The following ZNF536 variants were observed in gnomAD, a reference collection of about 807,000 sequenced individuals.
ZNF536 encodes the protein zinc finger protein 536.
Under a neutral mutation model 84.5 loss-of-function variants are expected in ZNF536, and 13 were observed. The observed-to-expected ratio is 0.15, with a 90% CI of 0.10 to 0.24. The LOEUF is 0.24. ZNF536 is among the 10% of genes least tolerant of loss of function. The pLI is 1.00. For missense variants in ZNF536, 1,536 were observed against 1,747.5 expected (o/e 0.88, Z 2.16); for synonymous variants, 811 against 742.5 (o/e 1.09, Z -1.50).
Position 30,599,053 on chromosome 19 carries a change from C to CT in ZNF536, c.169+49539_169+49540insT, listed in dbSNP as rs1230359633. 8.8e-3 allele frequency among the ~76,000 whole-genome samples: 1,107 copies of CT among 125,466 alleles called. 18 individuals are homozygous for CT. Among genetic ancestry groups the CT allele is most frequent in the African/African-American group, 0.031 (1,003 of 31,906 alleles). 82.3% of individuals were successfully genotyped at this position (125,466 alleles called of 152,430 possible). ...TCCCTCCCTTCCTTCCCTCTTTCCC[C>CT]ATCTCTCCTCCCTCCCTCCCTGTTT... On this transcript the variant is annotated intron_variant, in intron 1 of 1. Coordinates refer to the ZNF536 transcript ENST00000592773.
chr19:30,249,405 A>T (rs887444744), intron 1 of ZNF536, among the ~76,000 whole-genome samples: 1 of 151,892 alleles, frequency 6.6e-6, no homozygotes, highest in Non-Finnish European at 1.5e-5. Flanking sequence ...ATATTTTAAC[A>T]CGCCCTTGTG....
At chr19:30,227,400 C>T (rs2022671598), upstream of ZNF536, among the ~76,000 whole-genome samples, 1 of 152,048 alleles carries the variant, frequency 6.6e-6, no homozygotes, top group African/African-American at 2.4e-5. Context: ...ACGCAGTGGC[C>T]AGGGGCTGGG....
chr19:30,354,383 G>C (rs141559344), intron 3 of ZNF536, among the ~76,000 whole-genome samples: 1 of 152,092 alleles, frequency 6.6e-6, no homozygotes, highest in Non-Finnish European at 1.5e-5. Context: ...ATTTATTTTC[G>C]TAGAGATGGG....
rs2050228394 is a variant in ZNF536, at chr19:30,664,210, CTCT to C, written c.170-46546_170-46544del. ...GAGGAATTCTTGCTGAGTTTTCTCT[CTCT>C]CTCTCTCTCTCTCTCTCTCTCTCTC... On this transcript the variant is annotated intron_variant, in intron 1 of 1. Coordinates refer to the ZNF536 transcript ENST00000592773. 1.1e-3 allele frequency among the ~76,000 whole-genome samples: 9 copies of C among 8,154 alleles called. No individual in the cohort carries two copies. In the East Asian group the frequency reaches 0.017, roughly 16 times the overall value. The allele number at this position is 8,154 out of a possible 152,430, so 5.3% of individuals were successfully genotyped here. A position where few individuals can be genotyped will look rare whatever the true frequency, so the allele number is the denominator to read the frequency against.
Position 30,443,788 on chromosome 19 carries a change from C to T in ZNF536, c.226C>T (p.Pro76Ser), listed in dbSNP as rs2052180090. The change falls in exon 2 of 5, where the codon CCC becomes TCC. Residue 76 changes from proline to serine, a missense_variant. Around this residue, in one of 8 missense-constraint regions of ZNF536, gnomAD observed 161 missense variants for 178.5 expected, o/e 0.90. Transcript: ENST00000355537. ...GGCCCACGTGCCCATGAGCGGCCAG[C>T]CCATGGGCAGTCAGATGGCGCTCCT... Reference protein sequence around the residue: ...EKAHVPMSGQPMGSQMALLAN... With the variant: ...EKAHVPMSGQSMGSQMALLAN... 2 of 1,613,206 alleles carry T rather than the reference C, an allele frequency of 1.2e-6. No homozygotes were observed. Among genetic ancestry groups the T allele is most frequent in the African/African-American group, 2.7e-5 (2 of 75,070 alleles).
chr19:30,227,332 G>C (rs2022667667), upstream of ZNF536, among the ~76,000 whole-genome samples: 1 of 152,070 alleles, frequency 6.6e-6, no homozygotes, highest in African/African-American at 2.4e-5. Context: ...CATGTCCACC[G>C]TTCCCGAGTT....
intron 2 of ZNF536, among the ~76,000 whole-genome samples, chr19:30,307,140 A>G (rs2146023192): frequency 1.3e-5 from 2 of 152,302 alleles, no homozygotes; most frequent in African/African-American, 4.8e-5. Context: ...TCGCATGGCA[A>G]CATGAATTTG....
chr19:30,289,503 G>C (rs984198535), intron 2 of ZNF536, among the ~76,000 whole-genome samples: 7 of 152,176 alleles, frequency 4.6e-5, no homozygotes, highest in African/African-American at 1.7e-4. Context: ...CACCCCGGGG[G>C]CCCCCGTGCT....
At chr19:30,487,128 C>T (rs2054331372) in intron 2 of ZNF536, among the ~76,000 whole-genome samples, 1 of 152,202 alleles carries the variant, frequency 6.6e-6, no homozygotes, top group Non-Finnish European at 1.5e-5. Flanking sequence ...CAATACCCAT[C>T]AGGAGTAATG....
At chr19:30,589,985 T>C (rs1490778087) in intron 1 of ZNF536, among the ~76,000 whole-genome samples, 5 of 152,162 alleles carry the variant, frequency 3.3e-5, no homozygotes, top group Non-Finnish European at 5.9e-5. Flanking sequence ...TCTTTAAAGA[T>C]AGTAAAATGT....
At chr19:30,496,988 G>C (rs960104755) in intron 2 of ZNF536, among the ~76,000 whole-genome samples, 1 of 152,200 alleles carries the variant, frequency 6.6e-6, no homozygotes, top group African/African-American at 2.4e-5. Flanking sequence ...GAGCCCTCTG[G>C]GGGAGCTTGG....
Position 30,457,050 on chromosome 19 carries a change from A to AAAC in ZNF536, c.2170+11320_2170+11321insCAA, listed in dbSNP as rs1555771682. On this transcript the variant is annotated intron_variant, in intron 2 of 4. Transcript: ENST00000355537. ...GAGCAAGACTTCATCTCAAAAAAAA[A>AAAC]AAAAAACAAAAAAAAAGATGAATAG... Among the ~76,000 whole-genome samples the AAAC allele has an allele frequency of 7.2e-3, 1,085 of 151,454 alleles. 22 individuals carry two copies. Among genetic ancestry groups the AAAC allele is most frequent in the African/African-American group, 0.025 (1,024 of 41,250 alleles).
chr19:30,657,939 G>C (rs111849822), intron 1 of ZNF536, among the ~76,000 whole-genome samples: 1,691 of 152,134 alleles, frequency 0.011, 34 homozygotes, highest in African/African-American at 0.038. Context: ...GTTTTTACAC[G>C]CTTCAGCTAG....
intron 1 of ZNF536, among the ~76,000 whole-genome samples, chr19:30,441,936 C>G (rs1262401970): frequency 1.3e-5 from 2 of 152,224 alleles, no homozygotes; most frequent in African/African-American, 4.8e-5. Context: ...GCCCAGCAAG[C>G]AGCAGACCCT....
At chr19:30,594,051 C>A (rs1474514238) in intron 1 of ZNF536, among the ~76,000 whole-genome samples, 1 of 152,210 alleles carries the variant, frequency 6.6e-6, no homozygotes, top group African/African-American at 2.4e-5. Flanking sequence ...TTCCATGGGG[C>A]TACCAAGAGC....
intron 1 of ZNF536, among the ~76,000 whole-genome samples, chr19:30,622,943 T>A (rs2048535913): frequency 6.6e-6 from 1 of 150,476 alleles, no homozygotes; most frequent in Non-Finnish European, 1.5e-5. Context: ...CCACTCCTCC[T>A]AGAGTTTTTT....
chr19:30,545,724 AT>A (rs1034376088), intron 3 of ZNF536, among the ~76,000 whole-genome samples: 3 of 151,984 alleles, frequency 2.0e-5, no homozygotes, highest in African/African-American at 7.3e-5. Context: ...ACATGTATCC[AT>A]TGGAAATAGA....
chr19:30,411,735 T>A (rs903917362), intron 1 of ZNF536, among the ~76,000 whole-genome samples: 20 of 152,146 alleles, frequency 1.3e-4, no homozygotes, highest in Non-Finnish European at 2.9e-5. Flanking sequence ...ATAGTACACA[T>A]GCTGTCTTTT....
At chr19:30,507,305 C>A (rs935979275) in intron 2 of ZNF536, among the ~76,000 whole-genome samples, 5 of 151,840 alleles carry the variant, frequency 3.3e-5, no homozygotes, top group Admixed American at 3.3e-4. Context: ...GAGCCGAGAT[C>A]CCACCACTGC....
Sources: allele counts gnomAD v4.1 joint callset (sites outside exome capture counted in the v4.1 genomes callset), GRCh38; gene constraint gnomAD v4.1.1; regional missense constraint gnomAD v4.1.1; transcripts MANE v1.5; gene names NCBI Gene and HGNC (gene_info 2026-07-23, HGNC 2026-07-21).